MSI2: variants seen among roughly 807,000 people sequenced by gnomAD.
MSI2 encodes musashi RNA binding protein 2.
In MSI2, 17 loss-of-function variants were observed where a neutral mutation model predicts 45.6. That is an observed-to-expected ratio of 0.37 (90% CI 0.26 to 0.56). The LOEUF is 0.56. Among genes scored for constraint, MSI2 ranks in the 20% least tolerant of loss-of-function variants. The pLI, the probability that MSI2 is intolerant of heterozygous loss-of-function variation, is 0.77. For missense variants in MSI2, 293 were observed against 444.2 expected (o/e 0.66, Z 3.06); for synonymous variants, 156 against 158.2 (o/e 0.99, Z 0.11).
intron 7 of MSI2, among the ~76,000 whole-genome samples, chr17:57,551,181 T>C (rs2087294772): frequency 1.3e-5 from 2 of 152,048 alleles, no homozygotes; most frequent in South Asian, 4.1e-4. Flanking sequence ...GGAATCAAAG[T>C]CCCCTTATTT....
chr17:57,696,049 T>G, the MSI2 span, among the ~76,000 whole-genome samples: 1 of 152,212 alleles, frequency 6.6e-6, no homozygotes, highest in Non-Finnish European at 1.5e-5. Context: ...ACAGCCACAC[T>G]GGGGGTTAGG....
At chr17:57,610,266 T>C (rs1450309046) in intron 8 of MSI2, among the ~76,000 whole-genome samples, 1 of 151,994 alleles carries the variant, frequency 6.6e-6, no homozygotes, top group Non-Finnish European at 1.5e-5. Context: ...GCCTGGCCAA[T>C]GTGGTGAAAC....
chr17:57,478,679 A>C (rs536482243), intron 6 of MSI2, among the ~76,000 whole-genome samples: 1 of 152,272 alleles, frequency 6.6e-6, no homozygotes, highest in South Asian at 2.1e-4. Context: ...GGAGAATCAC[A>C]CAGTGGTTCT....
rs533732487 is a variant in MSI2 at position 57,610,355 on chromosome 17, G to A, written c.538-5615G>A. On this transcript the variant is annotated intron_variant, in intron 8 of 13. Coordinates refer to ENST00000284073, the MANE Select transcript of MSI2 (RefSeq NM_138962.4). Reference sequence around the variant, plus strand: ...TAGTCCCAGCTACTCGGGAGACTGAGGCAGGAGAATCACTTGAACCCGGGA... The same window carrying A: ...TAGTCCCAGCTACTCGGGAGACTGAAGCAGGAGAATCACTTGAACCCGGGA... Among the ~76,000 whole-genome samples the A allele has an allele frequency of 1.4e-4, 22 of 152,270 alleles. No individual in the cohort carries two copies. The South Asian group carries it at 3.1e-3, about 22-fold the overall frequency.
At chr17:57,574,130 G>T (rs2087951067) in intron 7 of MSI2, among the ~76,000 whole-genome samples, 1 of 152,024 alleles carries the variant, frequency 6.6e-6, no homozygotes, top group Non-Finnish European at 1.5e-5. Context: ...CTGCACATCT[G>T]TGTCTCCCCA....
chr17:57,662,271 A>AG (rs1912045404), intron 11 of MSI2, among the ~76,000 whole-genome samples: 3 of 152,204 alleles, frequency 2.0e-5, no homozygotes, highest in Admixed American at 6.5e-5. Context: ...CCACGATGGC[A>AG]GCCACTCCGT....
intron 5 of MSI2, among the ~76,000 whole-genome samples, chr17:57,338,649 G>A (rs1342106454): frequency 1.3e-5 from 2 of 152,278 alleles, no homozygotes; most frequent in Admixed American, 6.5e-5. Flanking sequence ...TCACTGACCC[G>A]GGGAGCTGTG....
chr17:57,320,185 G>T (rs1319538985), intron 5 of MSI2, among the ~76,000 whole-genome samples: 1 of 152,184 alleles, frequency 6.6e-6, no homozygotes, highest in Admixed American at 6.5e-5. Context: ...AGATTTGAGG[G>T]GCGATTGTGA....
chr17:57,306,727 CTATT>C (rs888231537), intron 5 of MSI2, among the ~76,000 whole-genome samples: 33 of 149,466 alleles, frequency 2.2e-4, no homozygotes, highest in African/African-American at 5.8e-4. Flanking sequence ...ATTTATCTAT[CTATT>C]TGTTTGTTTG....
chr17:57,622,030 C>G (rs375511728), intron 9 of MSI2, among the ~76,000 whole-genome samples: 46 of 152,284 alleles, frequency 3.0e-4, no homozygotes, highest in African/African-American at 9.1e-4. Flanking sequence ...AAAACTCCAT[C>G]TCTACTAAAA....
intron 7 of MSI2, among the ~76,000 whole-genome samples, chr17:57,565,681 C>T (rs1374799812): frequency 3.3e-5 from 5 of 152,106 alleles, no homozygotes; most frequent in Non-Finnish European, 7.4e-5. Flanking sequence ...ACACCCATGC[C>T]TGGCACATCA....
At chr17:57,660,400 C>T (rs1911906758) in intron 11 of MSI2, among the ~76,000 whole-genome samples, 1 of 152,042 alleles carries the variant, frequency 6.6e-6, no homozygotes, top group Non-Finnish European at 1.5e-5. Flanking sequence ...GATGGGTTCC[C>T]AAAGGAAAAC....
At chr17:57,512,191 T>G (rs730607) in intron 6 of MSI2, among the ~76,000 whole-genome samples, 1 of 152,158 alleles carries the variant, frequency 6.6e-6, no homozygotes, top group Non-Finnish European at 1.5e-5. Flanking sequence ...TCTGTCCCCA[T>G]GAACTCAAGG....
chr17:57,480,707 T>C (rs1350198768), intron 6 of MSI2, among the ~76,000 whole-genome samples: 9 of 152,178 alleles, frequency 5.9e-5, no homozygotes, highest in Non-Finnish European at 2.9e-5. Flanking sequence ...TCCTGTGTTC[T>C]CAGAATTGCC....
At chr17:57,691,834 TG>T in the MSI2 span, among the ~76,000 whole-genome samples, 1 of 152,206 alleles carries the variant, frequency 6.6e-6, no homozygotes, top group Non-Finnish European at 1.5e-5. Context: ...TTATTTTTCT[TG>T]CCTTATTCAC....
intron 11 of MSI2, among the ~76,000 whole-genome samples, chr17:57,654,225 G>GTGCC (rs1478308535): frequency 1.3e-5 from 2 of 152,234 alleles, no homozygotes; most frequent in Non-Finnish European, 2.9e-5. Flanking sequence ...GGCTTGGGAT[G>GTGCC]TGCCCCAGGG....
At chr17:57,474,783 A>G (rs1293641216) in intron 6 of MSI2, among the ~76,000 whole-genome samples, 1 of 152,132 alleles carries the variant, frequency 6.6e-6, no homozygotes, top group Admixed American at 6.5e-5. Context: ...CAGTGGCACA[A>G]TCTCAGCTCA....
intron 6 of MSI2, among the ~76,000 whole-genome samples, chr17:57,468,134 T>C (rs140860117): frequency 6.6e-6 from 1 of 151,868 alleles, no homozygotes; most frequent in Non-Finnish European, 1.5e-5. Context: ...ACGTAACCTC[T>C]TAGAGCCTTA....
chr17:57,563,744 G>GCACACACA (rs1447030230), intron 7 of MSI2, among the ~76,000 whole-genome samples: 4 of 115,786 alleles, frequency 3.5e-5, no homozygotes, highest in East Asian at 2.9e-4. Flanking sequence ...ACACACAGGC[G>GCACACACA]CGCACACACA....
Sources: gnomAD v4.1 joint callset for allele counts (sites outside exome capture counted in the v4.1 genomes callset) on GRCh38, gnomAD v4.1.1 for gene constraint, MANE v1.5 for transcripts, NCBI Gene and HGNC (gene_info 2026-07-23, HGNC 2026-07-21) for gene names.